MSH3: variants seen among roughly 807,000 people sequenced by gnomAD.
The protein encoded by MSH3 is DNA mismatch repair protein Msh3.
In MSH3, 106 loss-of-function variants were observed where a neutral mutation model predicts 123.3. That is an observed-to-expected ratio of 0.86 (90% CI 0.73 to 1.01). The LOEUF (loss-of-function observed/expected upper bound fraction) is 1.01, where lower values mean the gene tolerates loss of function less well. Ranked by LOEUF, MSH3 falls within the 50% of genes least tolerant of loss-of-function variation. The pLI, the probability that MSH3 is intolerant of heterozygous loss-of-function variation, is 0.00. For missense variants in MSH3, 1,459 were observed against 1,347.6 expected, an observed-to-expected ratio of 1.08 and a Z score of -1.29; for synonymous variants, 515 against 481.4, an observed-to-expected ratio of 1.07 and a Z score of -0.91.
At chr5:80,841,538 C>T (rs971681688) in intron 20 of MSH3, among the ~76,000 whole-genome samples, 3 of 152,222 alleles carry the variant, frequency 2.0e-5, no homozygotes, top group Non-Finnish European at 2.9e-5. Context: ...AAAAGCGTTT[C>T]TGTTTCTTCA....
chr5:80,740,977 A>G (rs1743603082), intron 10 of MSH3, among the ~76,000 whole-genome samples: 2 of 152,036 alleles, frequency 1.3e-5, no homozygotes, highest in African/African-American at 4.8e-5. Flanking sequence ...CAGCCTCCCA[A>G]AGTGCTGGGA....
intron 8 of MSH3, among the ~76,000 whole-genome samples, chr5:80,700,845 G>A (rs949714363): frequency 3.9e-5 from 6 of 152,204 alleles, no homozygotes; most frequent in Admixed American, 3.9e-4. Flanking sequence ...TTTGAGAAGT[G>A]TGGAGAAAAG....
At chr5:80,728,362 A>G (rs1253335672) in intron 9 of MSH3, among the ~76,000 whole-genome samples, 2 of 152,226 alleles carry the variant, frequency 1.3e-5, no homozygotes, top group African/African-American at 2.4e-5. Flanking sequence ...ATGGCCTTCC[A>G]TATCAGTGCA....
At chr5:80,834,068 G>C (rs1469405121) in intron 20 of MSH3, among the ~76,000 whole-genome samples, 2 of 152,178 alleles carry the variant, frequency 1.3e-5, no homozygotes, top group East Asian at 3.8e-4. Flanking sequence ...CAGTAGCCTT[G>C]ATGACTGGTT....
At chr5:80,704,573 T>G (rs1750678494) in intron 8 of MSH3, among the ~76,000 whole-genome samples, 1 of 152,192 alleles carries the variant, frequency 6.6e-6, no homozygotes, top group African/African-American at 2.4e-5. Context: ...GTGATTATGG[T>G]GCTTTTTGCC....
At chr5:80,739,577 A>C (rs1743574975) in intron 10 of MSH3, among the ~76,000 whole-genome samples, 1 of 152,212 alleles carries the variant, frequency 6.6e-6, no homozygotes, top group East Asian at 1.9e-4. Context: ...AAATTGCTGT[A>C]ATTCAAGACA....
intron 21 of MSH3, among the ~76,000 whole-genome samples, chr5:80,863,455 G>A (rs1746046989): frequency 1.3e-5 from 2 of 152,254 alleles, no homozygotes; most frequent in East Asian, 3.9e-4. Flanking sequence ...TGGATCACGA[G>A]GTCAGGAGAT....
At chr5:80,848,136 G>C (rs1745757485) in intron 20 of MSH3, among the ~76,000 whole-genome samples, 1 of 152,230 alleles carries the variant, frequency 6.6e-6, no homozygotes, top group Non-Finnish European at 1.5e-5. Context: ...GGCTGAGGTG[G>C]GAGGATCATC....
chr5:80,725,348 G>C, intron 8 of MSH3, 105 bp from the exon 9 acceptor site: 1 of 762,932 alleles, frequency 1.3e-6, no homozygotes, highest in Non-Finnish European at 2.3e-6. Flanking sequence ...AAAGAATAAG[G>C]AATAAATCTT....
At chr5:80,715,667 GC>G (rs1750944861) in intron 8 of MSH3, among the ~76,000 whole-genome samples, 1 of 152,100 alleles carries the variant, frequency 6.6e-6, no homozygotes, top group Admixed American at 6.6e-5. Context: ...GGCTGGGGAG[GC>G]CTCAGGAAAC....
chr5:80,852,157 C>A (rs990617630), intron 20 of MSH3, among the ~76,000 whole-genome samples: 1 of 152,170 alleles, frequency 6.6e-6, no homozygotes, highest in Non-Finnish European at 1.5e-5. Context: ...GAGACCTTGA[C>A]TCTACAAAAA....
intron 20 of MSH3, among the ~76,000 whole-genome samples, chr5:80,818,609 T>TA (rs1245244143): frequency 6.6e-6 from 1 of 152,078 alleles, no homozygotes; most frequent in Non-Finnish European, 1.5e-5. Context: ...AAGAATTACT[T>TA]AAAAAAATGT....
At position 80,660,723 on chromosome 5, in the gene MSH3, C is replaced by G. The variant is rs1011235151; in HGVS notation, c.358+4192C>G. Among the ~76,000 whole-genome samples the G allele has an allele frequency of 9.9e-5, 15 of 152,122 alleles. No homozygotes were observed. In the South Asian group the frequency reaches 2.7e-3, roughly 27 times the overall value. ...GTTGCTTTTAAGATTTTCTCTTAAT[C>G]ACTGATTTTCATGTTTGATTTTCTT... On this transcript the variant is annotated intron_variant, in intron 2 of 23. Transcript: ENST00000265081.
intron 17 of MSH3, among the ~76,000 whole-genome samples, chr5:80,779,208 ATGT>A (rs1384513193): frequency 2.0e-5 from 3 of 151,726 alleles, no homozygotes; most frequent in African/African-American, 4.8e-5. Flanking sequence ...GGCCAGGCTG[ATGT>A]TGTACTCCTG....
intron 19 of MSH3, among the ~76,000 whole-genome samples, chr5:80,810,194 T>TATATATATATATATAA (rs1554074256): frequency 6.8e-6 from 1 of 146,884 alleles, no homozygotes; most frequent in Admixed American, 6.8e-5. Context: ...TATATATATA[T>TATATATATATATATAA]AAACTAGTAG....
At chr5:80,800,836 G>T (rs1456935480) in intron 19 of MSH3, among the ~76,000 whole-genome samples, 1 of 152,188 alleles carries the variant, frequency 6.6e-6, no homozygotes, top group African/African-American at 2.4e-5. Context: ...AGTGAGATTG[G>T]TAATAAATAA....
At chr5:80,817,252 C>G (rs537693713) in intron 20 of MSH3, among the ~76,000 whole-genome samples, 1 of 152,108 alleles carries the variant, frequency 6.6e-6, no homozygotes, top group South Asian at 2.1e-4. Context: ...GTCAACAGTG[C>G]TGAAAGGTCA....
chr5:80,840,757 C>T (rs761512018), intron 20 of MSH3, among the ~76,000 whole-genome samples: 10 of 151,998 alleles, frequency 6.6e-5, no homozygotes, highest in African/African-American at 2.4e-4. Flanking sequence ...CCCCCTACCC[C>T]TAACAGGCCC....
chr5:80,670,066 T>G, intron 3 of MSH3, 31 bp from the exon 4 acceptor site: 1 of 1,602,598 alleles, frequency 6.2e-7, no homozygotes, highest in East Asian at 2.2e-5. Context: ...GGTTAATATT[T>G]TTAAAACTTT....
Sources: gnomAD v4.1 joint callset for allele counts (sites outside exome capture counted in the v4.1 genomes callset) on GRCh38, gnomAD v4.1.1 for gene constraint, MANE v1.5 for transcripts, NCBI Gene and HGNC (gene_info 2026-07-23, HGNC 2026-07-21) for gene names.